The following FAM227B variants were observed in gnomAD, a reference collection of about 807,000 sequenced individuals.
The protein encoded by FAM227B is protein FAM227B.
A neutral mutation model predicts 73.8 loss-of-function variants in FAM227B; 88 were observed. The ratio of observed to expected loss-of-function variants is 1.19; its 90% CI spans 1.00 to 1.42. The LOEUF is 1.42. Among genes scored for constraint, FAM227B ranks in the 40% most tolerant of loss-of-function variants. FAM227B has a pLI of 0.00. For synonymous variants in FAM227B, 210 were observed against 190.5 expected, an observed-to-expected ratio of 1.10 and a Z score of -0.84; for missense variants, 632 against 590.9, an observed-to-expected ratio of 1.07 and a Z score of -0.72.
At chr15:49,528,633 C>A (rs1365222124) in intron 10 of FAM227B, among the ~76,000 whole-genome samples, 1 of 151,146 alleles carries the variant, frequency 6.6e-6, no homozygotes, top group East Asian at 1.9e-4. Flanking sequence ...CTACAAACAA[C>A]AAGAGAAAAA....
intron 1 of FAM227B, among the ~76,000 whole-genome samples, chr15:49,615,878 G>A (rs1293486959): frequency 2.0e-5 from 3 of 152,174 alleles, no homozygotes. Context: ...TTATAAGAAA[G>A]ATTGGCCTGA....
In FAM227B at chr15:49,351,760, T is replaced by C. The variant is rs566268992; in HGVS notation, c.1271+15688A>G. 2.4e-4 allele frequency among the ~76,000 whole-genome samples: 36 copies of C among 152,004 alleles called. No individual in the cohort carries two copies. In the Middle Eastern group the frequency reaches 0.01, roughly 43 times the overall value. ...CCAATGGATGTCTCAGCTGACCCTA[T>C]AAGGGAGGTCTGAAGCTCAGATGAC... On this transcript the variant is annotated intron_variant, in intron 13 of 15. Coordinates refer to ENST00000299338, the MANE Select transcript of FAM227B (RefSeq NM_152647.3).
At chr15:49,537,765 C>T (rs1449280083) in intron 10 of FAM227B, among the ~76,000 whole-genome samples, 1 of 152,074 alleles carries the variant, frequency 6.6e-6, no homozygotes, top group African/African-American at 2.4e-5. Flanking sequence ...CCATTTGCCC[C>T]ACAATGTAGA....
rs186778116 is a variant in FAM227B, at chr15:49,394,968, A to G, written c.1013-23569T>C. 2.7e-4 allele frequency among the ~76,000 whole-genome samples: 41 copies of G among 152,298 alleles called. No individual in the cohort carries two copies. In the East Asian group the frequency reaches 7.5e-3, roughly 28 times the overall value. On this transcript the variant is annotated intron_variant, in intron 11 of 15. Coordinates refer to ENST00000299338, the MANE Select transcript of FAM227B (RefSeq NM_152647.3). ...ATGTTCTCCTAATAAATATTCTTTA[A>G]CAATTCTTTGTCAGAGTTAACTACT... is the stretch of plus-strand genomic sequence containing the variant.
intron 9 of FAM227B, among the ~76,000 whole-genome samples, chr15:49,560,500 G>A (rs2152333547): frequency 6.6e-6 from 1 of 152,130 alleles, no homozygotes; most frequent in East Asian, 1.9e-4. Flanking sequence ...TAGAGAGGTA[G>A]ACATCCAAAT....
intron 11 of FAM227B, among the ~76,000 whole-genome samples, chr15:49,505,305 G>GT (rs1020160222): frequency 1.2e-4 from 18 of 151,620 alleles, no homozygotes; most frequent in African/African-American, 3.9e-4. Flanking sequence ...AGAGATAGAT[G>GT]TTTTTTTACC....
chr15:49,385,414 T>C (rs1206526228), intron 11 of FAM227B, among the ~76,000 whole-genome samples: 1 of 151,764 alleles, frequency 6.6e-6, no homozygotes, highest in African/African-American at 2.4e-5. Flanking sequence ...ACTTGGTAAG[T>C]GGATAAAATG....
At chr15:49,350,037 A>G (rs1455170377) in intron 13 of FAM227B, among the ~76,000 whole-genome samples, 1 of 152,200 alleles carries the variant, frequency 6.6e-6, no homozygotes, top group Non-Finnish European at 1.5e-5. Flanking sequence ...AACTTCTAAA[A>G]TTAGAAGGCT....
chr15:49,479,597 C>CTTTTTTTTTT (rs1567359064), intron 11 of FAM227B, among the ~76,000 whole-genome samples: 2 of 102,078 alleles, frequency 2.0e-5, no homozygotes, highest in African/African-American at 4.2e-5. Flanking sequence ...GTTAATACCT[C>CTTTTTTTTTT]TGTTTTTTTT....
chr15:49,470,330 A>G (rs1271259255), intron 11 of FAM227B, among the ~76,000 whole-genome samples: 1 of 152,184 alleles, frequency 6.6e-6, no homozygotes, highest in Non-Finnish European at 1.5e-5. Flanking sequence ...GTCAGATATG[A>G]AATTTTTTGG....
At chr15:49,529,292 T>TA (rs1192166122) in intron 10 of FAM227B, among the ~76,000 whole-genome samples, 1 of 150,612 alleles carries the variant, frequency 6.6e-6, no homozygotes, top group East Asian at 1.9e-4. Flanking sequence ...ATATAAAGAT[T>TA]AAAAAAAAGA....
intron 11 of FAM227B, chr15:49,396,441 G>C (rs1208239178): frequency 5.1e-6 from 1 of 195,462 alleles, no homozygotes; most frequent in Non-Finnish European, 1.1e-5. Context: ...CCATTGCCCA[G>C]GCTTGATTAG....
In FAM227B at chr15:49,590,018, C is replaced by T. The variant is rs372491464; in HGVS notation, c.106-11G>A. On this transcript the variant is annotated splice_polypyrimidine_tract_variant and intron_variant, in intron 3 of 15. Coordinates refer to ENST00000299338, the MANE Select transcript of FAM227B (RefSeq NM_152647.3). ...CCTTGGCCAATAATCCTGCAAAAAA[C>T]GTGAAAGAGAGAATATAGCTTAAGT... 11 of 1,369,376 alleles carry T rather than the reference C, an allele frequency of 8.0e-6. No homozygotes were observed. The highest frequency in any genetic ancestry group is 1.7e-5 in the Admixed American group (1 of 57,638). The allele number at this position is 1,369,376 out of a possible 1,614,324, so 84.8% of individuals were successfully genotyped here.
intron 5 of FAM227B, 114 bp from the exon 6 acceptor site, chr15:49,577,778 A>G (rs1358092344): frequency 1.8e-6 from 1 of 569,848 alleles, no homozygotes; most frequent in Non-Finnish European, 3.0e-6. Context: ...ATGTATATAT[A>G]TCCTACAGAG....
At chr15:49,572,965 C>G (rs573842301) in intron 8 of FAM227B, among the ~76,000 whole-genome samples, 2 of 151,230 alleles carry the variant, frequency 1.3e-5, no homozygotes, top group South Asian at 2.1e-4. Context: ...TTATTTTCTT[C>G]TGCTTTCCAT....
At chr15:49,504,433 A>AAG (rs1555511143) in intron 11 of FAM227B, among the ~76,000 whole-genome samples, 2 of 151,644 alleles carry the variant, frequency 1.3e-5, no homozygotes, top group East Asian at 1.9e-4. Context: ...AATAAAAAAA[A>AAG]AGAAAAGATC....
At chr15:49,418,527 T>C (rs999389744) in intron 11 of FAM227B, among the ~76,000 whole-genome samples, 7 of 152,150 alleles carry the variant, frequency 4.6e-5, no homozygotes, top group Non-Finnish European at 1.0e-4. Context: ...CCATTATCCT[T>C]AGCAAACTAA....
intron 9 of FAM227B, 91 bp downstream of exon 9, chr15:49,568,154 A>G: frequency 8.7e-7 from 1 of 1,146,884 alleles, no homozygotes; most frequent in Admixed American, 2.7e-5. Flanking sequence ...GTAACAAAAT[A>G]TATTCTCATA....
chr15:49,574,817 G>T (rs573116774), intron 8 of FAM227B, 194 bp downstream of exon 8: 2 of 334,132 alleles, frequency 6.0e-6, no homozygotes, highest in African/African-American at 4.3e-5. Flanking sequence ...AGAATCTTTT[G>T]AAATCTATAT....
Sources: gnomAD v4.1 joint callset for allele counts (sites outside exome capture counted in the v4.1 genomes callset) on GRCh38, gnomAD v4.1.1 for gene constraint, MANE v1.5 for transcripts, NCBI Gene and HGNC (gene_info 2026-07-23, HGNC 2026-07-21) for gene names.